The following ZFHX3 variants were observed in gnomAD, a reference collection of about 807,000 sequenced individuals.
ZFHX3 encodes the protein zinc finger homeobox protein 3.
In ZFHX3, 42 loss-of-function variants were observed where a neutral mutation model predicts 279.1. The observed-to-expected ratio is 0.15, with a 90% CI of 0.12 to 0.19. ZFHX3 has a LOEUF of 0.19. Ranked by LOEUF, ZFHX3 falls within the 10% of genes least tolerant of loss-of-function variation. ZFHX3 has a pLI of 1.00. For missense variants in ZFHX3, 4,981 were observed against 4,754.0 expected, an observed-to-expected ratio of 1.05 and a Z score of -1.40; for synonymous variants, 2,293 against 1,957.8, an observed-to-expected ratio of 1.17 and a Z score of -4.52.
At chr16:73,705,169 T>C (rs1193396868) in intron 1 of ZFHX3, among the ~76,000 whole-genome samples, 1 of 152,220 alleles carries the variant, frequency 6.6e-6, no homozygotes, top group Non-Finnish European at 1.5e-5. Context: ...TTTAATATAA[T>C]TTAATTATAA....
At chr16:73,295,313 C>T (rs1288017533) in intron 4 of ZFHX3, among the ~76,000 whole-genome samples, 2 of 152,240 alleles carry the variant, frequency 1.3e-5, no homozygotes, top group Non-Finnish European at 2.9e-5. Flanking sequence ...GATTTTGAAT[C>T]TCTGCTTCTC....
At chr16:73,599,372 C>G (rs1476013590) in intron 2 of ZFHX3, among the ~76,000 whole-genome samples, 2 of 152,210 alleles carry the variant, frequency 1.3e-5, no homozygotes, top group Admixed American at 1.3e-4. Flanking sequence ...AAACCAGGAC[C>G]AGCTACATAA....
chr16:72,848,314 A>G (rs1387178905), intron 4 of ZFHX3, among the ~76,000 whole-genome samples: 1 of 152,044 alleles, frequency 6.6e-6, no homozygotes, highest in Non-Finnish European at 1.5e-5. Context: ...TCTGCAGCCT[A>G]TTCACGAGCC....
chr16:73,766,259 C>T (rs1476466552), intron 1 of ZFHX3, among the ~76,000 whole-genome samples: 1 of 152,160 alleles, frequency 6.6e-6, no homozygotes, highest in Non-Finnish European at 1.5e-5. Flanking sequence ...GTAACCCCTA[C>T]CTGTCCTCAA....
At chr16:72,922,774 T>A (rs2039615187) in intron 3 of ZFHX3, among the ~76,000 whole-genome samples, 1 of 152,188 alleles carries the variant, frequency 6.6e-6, no homozygotes, top group Non-Finnish European at 1.5e-5. Flanking sequence ...GGATATTCTA[T>A]TTTAGGATAT....
intron 3 of ZFHX3, among the ~76,000 whole-genome samples, chr16:72,947,499 C>A (rs1323581711): frequency 6.6e-6 from 1 of 152,162 alleles, no homozygotes; most frequent in Non-Finnish European, 1.5e-5. Context: ...GAAAGCCATG[C>A]CACTGCTTGA....
intron 1 of ZFHX3, among the ~76,000 whole-genome samples, chr16:73,043,800 C>T (rs1261938700): frequency 6.6e-6 from 1 of 152,250 alleles, no homozygotes; most frequent in Non-Finnish European, 1.5e-5. Context: ...AAGAAGCCCT[C>T]CAACATCTGA....
intron 2 of ZFHX3, among the ~76,000 whole-genome samples, chr16:73,496,904 C>T (rs1459805466): frequency 6.6e-6 from 1 of 152,190 alleles, no homozygotes; most frequent in Non-Finnish European, 1.5e-5. Flanking sequence ...TCCATGATCC[C>T]AGCTTTGTCA....
chr16:73,046,251 C>G (rs187557990), intron 1 of ZFHX3, among the ~76,000 whole-genome samples: 1 of 152,304 alleles, frequency 6.6e-6, no homozygotes, highest in East Asian at 1.9e-4. Context: ...ACCGTGGTCT[C>G]CTGACTTCCC....
chr16:72,943,600 G>A (rs188817231), intron 3 of ZFHX3, among the ~76,000 whole-genome samples: 5 of 152,298 alleles, frequency 3.3e-5, no homozygotes, highest in Admixed American at 3.3e-4. Flanking sequence ...TTAGAACAAT[G>A]AAAAGGGACT....
At chr16:73,476,657 T>C (rs2018771221) in intron 2 of ZFHX3, among the ~76,000 whole-genome samples, 4 of 152,198 alleles carry the variant, frequency 2.6e-5, no homozygotes, top group Admixed American at 1.3e-4. Flanking sequence ...TCCAAACCTA[T>C]TTCTGTCTCA....
chr16:73,628,675 G>A (rs1404057913), intron 2 of ZFHX3, among the ~76,000 whole-genome samples: 1 of 152,018 alleles, frequency 6.6e-6, no homozygotes, highest in African/African-American at 2.4e-5. Context: ...GAATCATATT[G>A]GTAAACCTCC....
chr16:73,890,252 A>ACC (rs1567441450), intron 1 of ZFHX3, among the ~76,000 whole-genome samples: 2 of 132,532 alleles, frequency 1.5e-5, no homozygotes, highest in African/African-American at 2.6e-5. Flanking sequence ...AAAAAAAAAA[A>ACC]AACAACAAAA....
intron 3 of ZFHX3, among the ~76,000 whole-genome samples, chr16:73,320,442 G>C (rs890441952): frequency 6.6e-6 from 1 of 152,158 alleles, no homozygotes; most frequent in African/African-American, 2.4e-5. Flanking sequence ...GAACATAAAA[G>C]TCCATTGACA....
intron 2 of ZFHX3, among the ~76,000 whole-genome samples, chr16:73,484,260 T>A (rs2143633597): frequency 6.6e-6 from 1 of 152,320 alleles, no homozygotes; most frequent in East Asian, 1.9e-4. Context: ...CATCTCTTCC[T>A]GGAGCATAGC....
intron 3 of ZFHX3, among the ~76,000 whole-genome samples, chr16:73,451,685 G>C (rs543184630): frequency 6.6e-6 from 1 of 152,126 alleles, no homozygotes; most frequent in South Asian, 2.1e-4. Context: ...TAAGATTTTT[G>C]CCTCTTTTAA....
chr16:73,823,648 T>C (rs1241117547), intron 1 of ZFHX3, among the ~76,000 whole-genome samples: 1 of 148,130 alleles, frequency 6.8e-6, no homozygotes, highest in Non-Finnish European at 1.5e-5. Context: ...TAGGGCTGCT[T>C]TGGCGCTACA....
chr16:72,817,559 T>G (rs1472834315), intron 5 of ZFHX3, among the ~76,000 whole-genome samples: 1 of 152,220 alleles, frequency 6.6e-6, no homozygotes, highest in African/African-American at 2.4e-5. Context: ...AAAATTCATC[T>G]TCTCATCACT....
intron 4 of ZFHX3, among the ~76,000 whole-genome samples, chr16:72,831,657 G>C (rs1460876971): frequency 6.6e-6 from 1 of 152,176 alleles, no homozygotes; most frequent in African/African-American, 2.4e-5. Flanking sequence ...GGGACGTTCT[G>C]TGCACATTTT....
Sources: allele counts gnomAD v4.1 joint callset (sites outside exome capture counted in the v4.1 genomes callset), GRCh38; gene constraint gnomAD v4.1.1; transcripts MANE v1.5; gene names NCBI Gene and HGNC (gene_info 2026-07-23, HGNC 2026-07-21).